The following KLRD1 variants were observed in gnomAD, a reference collection of about 807,000 sequenced individuals.
KLRD1 encodes the protein natural killer cells antigen CD94.
Under a neutral mutation model 22.6 loss-of-function variants are expected in KLRD1, and 21 were observed. That is an observed-to-expected ratio of 0.93 (90% CI 0.66 to 1.34). The LOEUF (loss-of-function observed/expected upper bound fraction) is 1.34. Ranked by LOEUF, KLRD1 falls within the 40% of genes most tolerant of loss-of-function variation. KLRD1 has a pLI of 0.00. For synonymous variants in KLRD1, 59 were observed against 71.1 expected, an observed-to-expected ratio of 0.83 and a Z score of 0.85; for missense variants, 183 against 208.6, an observed-to-expected ratio of 0.88 and a Z score of 0.76.
intron 5 of KLRD1, 78 bp from the exon 6 acceptor site, chr12:10,314,595 T>C: frequency 7.5e-7 from 1 of 1,328,874 alleles, no homozygotes; most frequent in African/African-American, 1.5e-5. Flanking sequence ...TTTTAAAATT[T>C]ATATCATTTA....
intron 1 of KLRD1, among the ~76,000 whole-genome samples, chr12:10,273,157 A>G (rs908357179): frequency 2.0e-5 from 3 of 152,196 alleles, no homozygotes; most frequent in African/African-American, 7.2e-5. Flanking sequence ...CAAATTAAAT[A>G]ATGAAAACAA....
chr12:10,239,421 CATCCTTCCTTCCT>C (rs146367046), intron 1 of KLRD1, among the ~76,000 whole-genome samples: 5,089 of 41,536 alleles, frequency 0.12, 727 homozygotes, highest in East Asian at 0.44. Context: ...TCCTTCTTTC[CATCCTTCCTTCCT>C]TTCCTTCCTT....
intron 1 of KLRD1, among the ~76,000 whole-genome samples, chr12:10,284,954 C>G (rs1244268691): frequency 6.6e-6 from 1 of 151,732 alleles, no homozygotes; most frequent in African/African-American, 2.4e-5. Context: ...GCACTCCAGC[C>G]TGGGCAACAA....
chr12:10,302,526 C>G (rs1368088406), upstream of KLRD1, among the ~76,000 whole-genome samples: 2 of 152,154 alleles, frequency 1.3e-5, no homozygotes, highest in Non-Finnish European at 2.9e-5. Context: ...TGACACAAGG[C>G]TGTCCTACTT....
chr12:10,318,850 A>AC lies in KLRD1; in HGVS notation c.*4057_*4058insC, dbSNP rs1950282403. The AC allele has an allele frequency of 2.0e-5, 3 of 151,754 alleles. No homozygotes were observed. The highest frequency in any genetic ancestry group is 6.6e-5 in the Admixed American group (1 of 15,222). 9.4% of individuals were successfully genotyped at this position (151,754 alleles called of 1,614,324 possible). A position where few individuals can be genotyped will look rare whatever the true frequency, so the allele number is the denominator to read the frequency against. ...GACAGAGGAGACTCCGTCTCCAAAA[A>AC]AAAAAAAAAAAAAAAAGCTTTTCAT... On this transcript the variant is annotated 3_prime_UTR_variant, in exon 6 of 6. Transcript: ENST00000336164.
At position 10,318,366 on chromosome 12, in the gene KLRD1, G is replaced by A. The variant is rs999974225; in HGVS notation, c.*3573G>A. 5.3e-5 allele frequency: 8 copies of A among 152,078 alleles called. No individual in the cohort carries two copies. Among genetic ancestry groups the A allele is most frequent in the African/African-American group, 1.7e-4 (7 of 41,412 alleles). The allele number at this position is 152,078 out of a possible 1,614,324, so 9.4% of individuals were successfully genotyped here. ...TAATTACAGATCTTGTCTCTGCTGT[G>A]TGACCAGACACAGATAAAAGACTGC... is the stretch of plus-strand genomic sequence containing the variant. On this transcript the variant is annotated 3_prime_UTR_variant, in exon 6 of 6. Transcript: ENST00000336164.
chr12:10,246,973 C>T (rs1231957042), intron 1 of KLRD1, among the ~76,000 whole-genome samples: 1 of 138,298 alleles, frequency 7.2e-6, no homozygotes, highest in Admixed American at 8.0e-5. Flanking sequence ...TGCTCTGTCA[C>T]CCAGTCTGGA....
chr12:10,263,118 C>T (rs975711515), intron 1 of KLRD1, among the ~76,000 whole-genome samples: 1 of 151,966 alleles, frequency 6.6e-6, no homozygotes, highest in African/African-American at 2.4e-5. Flanking sequence ...TTTTCCTACT[C>T]AGATTGTCAT....
chr12:10,259,220 C>A (rs528526555), intron 1 of KLRD1, among the ~76,000 whole-genome samples: 1 of 152,264 alleles, frequency 6.6e-6, no homozygotes, highest in African/African-American at 2.4e-5. Flanking sequence ...TTCTAATATG[C>A]AATTCTTCTT....
Position 10,326,669 on chromosome 12 carries a change from T to TG in KLRD1, c.*11882dup, listed in dbSNP as rs1184402516. On this transcript the variant is annotated 3_prime_UTR_variant, in exon 6 of 6. Coordinates refer to ENST00000336164, the MANE Select transcript of KLRD1 (RefSeq NM_002262.5). Reference sequence around the variant, plus strand: ...AGCAAAGAGATGACTTTGAATAGAATGGGGGGCTCCCAGGTCACAGGTAAG... The same window carrying TG: ...AGCAAAGAGATGACTTTGAATAGAATGGGGGGGCTCCCAGGTCACAGGTAAG... 6.6e-6 allele frequency: 1 copy of TG among 151,698 alleles called. No individual in the cohort carries two copies. The highest frequency in any genetic ancestry group is 1.5e-5 in the Non-Finnish European group (1 of 67,894). 9.4% of individuals were successfully genotyped at this position (151,698 alleles called of 1,614,324 possible).
rs768363393 is a variant in KLRD1, at chr12:10,309,458, G to T, written c.78G>T (p.Thr26=). 1.3e-6 allele frequency: 2 copies of T among 1,522,590 alleles called. No homozygotes were observed. Among genetic ancestry groups the T allele is most frequent in the Non-Finnish European group, 1.8e-6 (2 of 1,096,424 alleles). 94.3% of individuals were successfully genotyped at this position (1,522,590 alleles called of 1,614,324 possible). The part of the protein sequence containing the change: ...LGIICLSLMS[T]LGILLKNSFT... ...TAATATGCCTTTCGTTGATGTCTACGTTGGGAATTTTGTTGAAAAATTGTA... is the reference window on the plus strand; with the variant it reads ...TAATATGCCTTTCGTTGATGTCTACTTTGGGAATTTTGTTGAAAAATTGTA... Residue 26 remains threonine, a synonymous_variant, in exon 2 of 6, where the codon ACG becomes ACT. Coordinates refer to ENST00000336164, the MANE Select transcript of KLRD1 (RefSeq NM_002262.5).
chr12:10,327,739 G>A lies in KLRD1; in HGVS notation c.*12946G>A, dbSNP rs1950373810. The A allele has an allele frequency of 6.6e-6, 1 of 152,138 alleles. No homozygotes were observed. The highest frequency in any genetic ancestry group is 1.5e-5 in the Non-Finnish European group (1 of 68,002). 9.4% of individuals were successfully genotyped at this position (152,138 alleles called of 1,614,324 possible). On this transcript the variant is annotated 3_prime_UTR_variant, in exon 6 of 6. Coordinates refer to ENST00000336164, the MANE Select transcript of KLRD1 (RefSeq NM_002262.5). Reference sequence around the variant, plus strand: ...TGGCAAGTGCAAACATCCTTGCCATGTTTCTGATGTCAGAGGAAAAGTTCA... The same window carrying A: ...TGGCAAGTGCAAACATCCTTGCCATATTTCTGATGTCAGAGGAAAAGTTCA...
chr12:10,296,899 G>C (rs1213016076), intron 1 of KLRD1, among the ~76,000 whole-genome samples: 1 of 152,198 alleles, frequency 6.6e-6, no homozygotes, highest in Non-Finnish European at 1.5e-5. Context: ...CACTGTTTCA[G>C]AGAGCAATTG....
chr12:10,271,128 C>A (rs1455070722), intron 1 of KLRD1, among the ~76,000 whole-genome samples: 1 of 148,808 alleles, frequency 6.7e-6, no homozygotes, highest in Non-Finnish European at 1.5e-5. Flanking sequence ...TATCTTTCAT[C>A]TTTGTAACAG....
chr12:10,280,416 C>T (rs1289817142), intron 1 of KLRD1, among the ~76,000 whole-genome samples: 4 of 152,136 alleles, frequency 2.6e-5, no homozygotes, highest in African/African-American at 9.7e-5. Context: ...AAATATACAG[C>T]AGAATACTTA....
intron 3 of KLRD1, among the ~76,000 whole-genome samples, chr12:10,310,508 G>T (rs1950037459): frequency 6.6e-6 from 1 of 152,138 alleles, no homozygotes; most frequent in Non-Finnish European, 1.5e-5. Flanking sequence ...TATTTACAGT[G>T]CAACATCTTG....
At chr12:10,303,793 G>A (rs563893206), upstream of KLRD1, among the ~76,000 whole-genome samples, 15 of 152,102 alleles carry the variant, frequency 9.9e-5, no homozygotes, top group Non-Finnish European at 1.8e-4. Flanking sequence ...AATAATTTGG[G>A]ATATTTATAT....
rs60673819 is a variant in KLRD1, at chr12:10,324,843, T to TATATATATATAC, written c.*10050_*10051insATATATATATAC. ...GTATATATATATATATATATATATA[T>TATATATATATAC]TCATTTACACAGTTGATTCTAAGTG... On this transcript the variant is annotated 3_prime_UTR_variant, in exon 6 of 6. Coordinates refer to ENST00000336164, the MANE Select transcript of KLRD1 (RefSeq NM_002262.5). The TATATATATATAC allele has an allele frequency of 2.0e-4, 28 of 141,868 alleles. No individual in the cohort carries two copies. Among genetic ancestry groups the TATATATATATAC allele is most frequent in the African/African-American group, 7.1e-4 (28 of 39,618 alleles). The allele number at this position is 141,868 out of a possible 1,614,324, so 8.8% of individuals were successfully genotyped here. A position where few individuals can be genotyped will look rare whatever the true frequency, so the allele number is the denominator to read the frequency against.
At chr12:10,314,607 T>C in intron 5 of KLRD1, 66 bp from the exon 6 acceptor site, 1 of 1,409,732 alleles carries the variant, frequency 7.1e-7, no homozygotes, top group African/African-American at 1.5e-5. Context: ...TATCATTTAA[T>C]TGAAAAATGC....
Sources: gnomAD v4.1 joint callset for allele counts (sites outside exome capture counted in the v4.1 genomes callset) on GRCh38, gnomAD v4.1.1 for gene constraint, MANE v1.5 for transcripts, NCBI Gene and HGNC (gene_info 2026-07-23, HGNC 2026-07-21) for gene names.